ANAPC7: variants seen among roughly 807,000 people sequenced by gnomAD.
ANAPC7 encodes the protein anaphase promoting complex subunit 7.
ANAPC7 carries 25 observed loss-of-function variants against 63.3 expected under a neutral mutation model. That is an observed-to-expected ratio of 0.39 (90% confidence interval 0.29 to 0.55). The LOEUF (loss-of-function observed/expected upper bound fraction) is 0.55. ANAPC7 is among the 20% of genes least tolerant of loss of function. ANAPC7 has a pLI of 0.57. For missense variants in ANAPC7, 516 were observed against 691.7 expected (o/e 0.75, Z 2.85); for synonymous variants, 241 against 251.7 (o/e 0.96, Z 0.40).
intron 8 of ANAPC7, among the ~76,000 whole-genome samples, chr12:110,380,421 G>A (rs1881711990): frequency 6.7e-6 from 1 of 150,062 alleles, no homozygotes; most frequent in Admixed American, 6.7e-5. Context: ...GGGAGGCCAA[G>A]GCAGGCAGCT....
At chr12:110,379,386 A>C (rs538707198) in intron 8 of ANAPC7, among the ~76,000 whole-genome samples, 1 of 152,298 alleles carries the variant, frequency 6.6e-6, no homozygotes, top group Admixed American at 6.5e-5. Flanking sequence ...TAAATCTCCA[A>C]ATGGCAGCTT....
intron 3 of ANAPC7, among the ~76,000 whole-genome samples, chr12:110,390,557 C>A (rs1033742735): frequency 6.6e-6 from 1 of 152,010 alleles, no homozygotes; most frequent in Non-Finnish European, 1.5e-5. Context: ...CAATTATAGA[C>A]CTACATTATA....
chr12:110,382,496 T>TATATATATATATATATA (rs1566264542), intron 7 of ANAPC7, among the ~76,000 whole-genome samples: 15 of 80,004 alleles, frequency 1.9e-4, no homozygotes, highest in African/African-American at 6.6e-4. Flanking sequence ...ATATATATAT[T>TATATATATATATATATA]TATAGAGACA....
intron 6 of ANAPC7, among the ~76,000 whole-genome samples, chr12:110,383,678 C>T (rs561638942): frequency 2.6e-5 from 4 of 151,438 alleles, no homozygotes; most frequent in Admixed American, 6.6e-5. Context: ...GTCAGGAGTT[C>T]GAGACTAGGC....
rs369613988 is a variant in ANAPC7, at chr12:110,396,225, CAAAAAA to C, written c.288+35_288+40del. Reference sequence around the variant, plus strand: ...TGTTCTAAATTCTTGGAGTCTTTCTCAAAAAAAAAAAAAAAAAATCACAATTCTATC... The same window carrying C: ...TGTTCTAAATTCTTGGAGTCTTTCTCAAAAAAAAAAAATCACAATTCTATC... On this transcript the variant is annotated intron_variant, in intron 2 of 10. Transcript: ENST00000455511. 5.5e-5 allele frequency: 70 copies of C among 1,283,142 alleles called. No homozygotes were observed. The African/African-American group carries it at 1.2e-3, about 21-fold the overall frequency. The allele number at this position is 1,283,142 out of a possible 1,614,324, so 79.5% of individuals were successfully genotyped here.
intron 3 of ANAPC7, among the ~76,000 whole-genome samples, chr12:110,390,654 C>T (rs1054536732): frequency 2.6e-5 from 4 of 152,022 alleles, no homozygotes; most frequent in African/African-American, 9.7e-5. Context: ...TTTACTTGGC[C>T]TCAGATTTTC....
At position 110,395,085 on chromosome 12, in the gene ANAPC7, T is replaced by C. The variant is rs1370685826; in HGVS notation, c.408+16A>G. 1.9e-6 allele frequency: 3 copies of C among 1,611,014 alleles called. No homozygotes were observed. Among genetic ancestry groups the C allele is most frequent in the Non-Finnish European group, 1.7e-6 (2 of 1,178,716 alleles). On this transcript the variant is annotated intron_variant, in intron 3 of 10. Coordinates refer to ENST00000455511, the MANE Select transcript of ANAPC7 (RefSeq NM_016238.3). ...TAGGAGAGCTGAGGAGAAAAACACA[T>C]AAACATTCAACTTACTTTGGGAGTT... is the stretch of plus-strand genomic sequence containing the variant.
chr12:110,375,336 T>C (rs1881167851), intron 10 of ANAPC7: 1 of 802,770 alleles, frequency 1.2e-6, no homozygotes, highest in Middle Eastern at 6.4e-4. Context: ...GCATCTCCAG[T>C]TGTCACTGAG....
chr12:110,383,836 A>G (rs1323633866), intron 6 of ANAPC7, among the ~76,000 whole-genome samples: 1 of 140,090 alleles, frequency 7.1e-6, no homozygotes. Context: ...AGATCGTGCC[A>G]CTGCACTCTA....
chr12:110,386,377 G>A lies in ANAPC7; in HGVS notation c.767C>T (p.Ser256Phe). ...LYFRAGDNKNSVLKFEQAQML... is the reference protein window; with the variant it reads ...LYFRAGDNKNFVLKFEQAQML... Reference sequence around the variant, plus strand: ...CTGTGCCTGTTCAAACTTGAGGACAGAGTTTTTATTGTCTCCAGCTCTGAA... The same window carrying A: ...CTGTGCCTGTTCAAACTTGAGGACAAAGTTTTTATTGTCTCCAGCTCTGAA... The change falls in exon 6 of 11, where the codon TCT becomes TTT. Residue 256 changes from serine to phenylalanine, a missense_variant. By Grantham distance (155) the Ser-to-Phe change is radical (BLOSUM62 -2). Coordinates refer to ENST00000455511, the MANE Select transcript of ANAPC7 (RefSeq NM_016238.3). 1 of 1,614,116 alleles carries A rather than the reference G, an allele frequency of 6.2e-7. No individual in the cohort carries two copies. The highest frequency in any genetic ancestry group is 1.3e-5 in the African/African-American group (1 of 75,048).
intron 9 of ANAPC7, among the ~76,000 whole-genome samples, chr12:110,376,579 A>AAAAAAAG (rs1881300164): frequency 6.6e-6 from 1 of 150,826 alleles, no homozygotes; most frequent in Non-Finnish European, 1.5e-5. Context: ...AAAAAAAAAA[A>AAAAAAAG]AAAAAAAGAA....
intron 2 of ANAPC7, among the ~76,000 whole-genome samples, 179 bp from the exon 3 acceptor site, chr12:110,395,399 T>TA (rs1192957945): frequency 2.0e-5 from 3 of 152,122 alleles, no homozygotes; most frequent in East Asian, 1.9e-4. Flanking sequence ...ACTGCAGTCT[T>TA]AGACTCCTAG....
At chr12:110,384,321 C>A (rs1349219253) in intron 6 of ANAPC7, among the ~76,000 whole-genome samples, 1 of 152,036 alleles carries the variant, frequency 6.6e-6, no homozygotes, top group Non-Finnish European at 1.5e-5. Flanking sequence ...TGCTTGAGCC[C>A]AGGAGGTCAA....
At chr12:110,383,091 C>T in intron 6 of ANAPC7, 131 bp from the exon 7 acceptor site, 1 of 610,310 alleles carries the variant, frequency 1.6e-6, no homozygotes, top group South Asian at 2.3e-5. Flanking sequence ...CCCTTTCCAC[C>T]ATCACAGGCT....
At chr12:110,375,977 G>T in intron 10 of ANAPC7, 89 bp downstream of exon 10, 1 of 1,460,720 alleles carries the variant, frequency 6.8e-7, no homozygotes, top group Non-Finnish European at 9.1e-7. Flanking sequence ...GACACAAAGT[G>T]TGTGTGTGTT....
chr12:110,386,240 A>G (rs2137948213), intron 6 of ANAPC7, 87 bp downstream of exon 6: 2 of 1,547,702 alleles, frequency 1.3e-6, no homozygotes, highest in East Asian at 2.2e-5. Flanking sequence ...GAAACTTGGT[A>G]TCGAGTATTA....
chr12:110,392,942 T>A (rs190147020), intron 3 of ANAPC7, among the ~76,000 whole-genome samples: 1 of 152,138 alleles, frequency 6.6e-6, no homozygotes, highest in Non-Finnish European at 1.5e-5. Context: ...ATTACAGGCA[T>A]GCGCCACCAC....
chr12:110,382,492 A>ATATATG (rs1566264511), intron 7 of ANAPC7, among the ~76,000 whole-genome samples: 1 of 133,040 alleles, frequency 7.5e-6, no homozygotes, highest in Non-Finnish European at 1.6e-5. Context: ...ATATATATAT[A>ATATATG]TATTTATAGA....
intron 1 of ANAPC7, among the ~76,000 whole-genome samples, chr12:110,400,162 A>C (rs116034519): frequency 1.4e-3 from 213 of 152,330 alleles, no homozygotes; most frequent in African/African-American, 5.0e-3. Flanking sequence ...AAACTCTGTG[A>C]TTCTATGTAT....
Sources: gnomAD v4.1 joint callset for allele counts (sites outside exome capture counted in the v4.1 genomes callset) on GRCh38, gnomAD v4.1.1 for gene constraint, MANE v1.5 for transcripts, NCBI Gene and HGNC (gene_info 2026-07-23, HGNC 2026-07-21) for gene names.